The following IL1RAPL1 variants were observed in gnomAD, a reference collection of about 807,000 sequenced individuals.
IL1RAPL1 encodes interleukin 1 receptor accessory protein like 1.
IL1RAPL1 carries 3 observed loss-of-function variants against 48.4 expected under a neutral mutation model. That is an observed-to-expected ratio of 0.06 (90% CI 0.03 to 0.16). The LOEUF (loss-of-function observed/expected upper bound fraction) is 0.16, where lower values mean the gene tolerates loss of function less well. IL1RAPL1 is among the 10% of genes least tolerant of loss of function. IL1RAPL1 has a pLI of 1.00. For synonymous variants in IL1RAPL1, 185 were observed against 187.7 expected (o/e 0.99, Z 0.12); for missense variants, 349 against 530.6 (o/e 0.66, Z 3.36).
intron 2 of IL1RAPL1, among the ~76,000 whole-genome samples, chrX:28,793,946 A>G (rs749331865): frequency 9.0e-6 from 1 of 111,536 alleles, no homozygotes; most frequent in South Asian, 3.7e-4. Context: ...GTTCAAGGAA[A>G]TGTCTTAATG....
chrX:28,861,031 T>G (rs1034924973), intron 2 of IL1RAPL1, among the ~76,000 whole-genome samples: 2 of 111,562 alleles, frequency 1.8e-5, no homozygotes, highest in Non-Finnish European at 3.8e-5. Flanking sequence ...AATCTGTTTA[T>G]AAGAATTTTT....
chrX:28,659,090 G>A, intron 1 of IL1RAPL1: 1 of 675,492 alleles, frequency 1.5e-6, no homozygotes. Context: ...TATGCAGCCT[G>A]CTAGCTTGAT....
chrX:29,345,024 A>G (rs1933132809), intron 3 of IL1RAPL1, among the ~76,000 whole-genome samples: 1 of 112,893 alleles, frequency 8.9e-6, no homozygotes, highest in Non-Finnish European at 1.9e-5. Flanking sequence ...TTTAACTGAC[A>G]GAGTATTTCA....
At chrX:29,469,436 A>G (rs191736401) in intron 5 of IL1RAPL1, among the ~76,000 whole-genome samples, 25 of 111,950 alleles carry the variant, frequency 2.2e-4, no homozygotes, top group African/African-American at 8.1e-4. Flanking sequence ...GGCTGAATAC[A>G]TTTTGTACAA....
Position 29,882,983 on chromosome X carries a change from C to G in IL1RAPL1, c.779-34481C>G, listed in dbSNP as rs1410733937. Among the ~76,000 whole-genome samples the G allele has an allele frequency of 3.6e-5, 4 of 111,340 alleles. No individual in the cohort carries two copies. The Admixed American group carries it at 3.8e-4, about 11-fold the overall frequency. On this transcript the variant is annotated intron_variant, in intron 6 of 10. Transcript: ENST00000378993. Reference sequence around the variant, plus strand: ...ATAATCAGTAAATAGTTTGCAGTACCTTCTTATCAACTAAATAGATGAACG... The same window carrying G: ...ATAATCAGTAAATAGTTTGCAGTACGTTCTTATCAACTAAATAGATGAACG...
At chrX:29,606,921 A>G (rs746128111) in intron 5 of IL1RAPL1, among the ~76,000 whole-genome samples, 1 of 111,827 alleles carries the variant, frequency 8.9e-6, no homozygotes, top group African/African-American at 3.2e-5. Flanking sequence ...GATGTGACCT[A>G]TAAGGGGTAG....
At chrX:29,402,985 T>G (rs1602217496) in intron 5 of IL1RAPL1, among the ~76,000 whole-genome samples, 1 of 111,400 alleles carries the variant, frequency 9.0e-6, no homozygotes, top group East Asian at 2.8e-4. Flanking sequence ...CCTGAGGTAG[T>G]GTTAGGTAGG....
intron 6 of IL1RAPL1, among the ~76,000 whole-genome samples, chrX:29,677,344 A>T (rs1360655828): frequency 8.9e-6 from 1 of 112,075 alleles, no homozygotes; most frequent in Non-Finnish European, 1.9e-5. Context: ...TTGAATCATC[A>T]TCATTTCAGA....
At chrX:29,515,404 T>A (rs1345200082) in intron 5 of IL1RAPL1, among the ~76,000 whole-genome samples, 2 of 111,844 alleles carry the variant, frequency 1.8e-5, no homozygotes, top group Non-Finnish European at 3.8e-5. Context: ...CCATACCACT[T>A]CCCTTCTGCT....
intron 5 of IL1RAPL1, among the ~76,000 whole-genome samples, chrX:29,635,706 CAG>C (rs1380134072): frequency 9.3e-6 from 1 of 107,583 alleles, no homozygotes; most frequent in Non-Finnish European, 1.9e-5. Context: ...ACAGAGAAAA[CAG>C]AAACAGAAAT....
intron 1 of IL1RAPL1, among the ~76,000 whole-genome samples, chrX:28,751,418 A>T (rs377278966): frequency 8.9e-6 from 1 of 111,904 alleles, no homozygotes; most frequent in Non-Finnish European, 1.9e-5. Flanking sequence ...GACATTTTGC[A>T]TACCATCAAT....
intron 1 of IL1RAPL1, among the ~76,000 whole-genome samples, chrX:28,697,001 A>G (rs1234659210): frequency 8.9e-6 from 1 of 111,839 alleles, no homozygotes; most frequent in African/African-American, 3.2e-5. Flanking sequence ...TTTTAAATAG[A>G]TGTTGAGAGA....
At chrX:28,805,713 C>T (rs960556864) in intron 2 of IL1RAPL1, among the ~76,000 whole-genome samples, 3 of 111,141 alleles carry the variant, frequency 2.7e-5, no homozygotes, top group African/African-American at 9.8e-5. Context: ...TGCAGCTTTC[C>T]TATATGCCAG....
chrX:29,602,551 G>A (rs1923760538), intron 5 of IL1RAPL1, among the ~76,000 whole-genome samples: 1 of 112,590 alleles, frequency 8.9e-6, no homozygotes, highest in Non-Finnish European at 1.9e-5. Context: ...ACAGCCATTC[G>A]TACACTAAGA....
At chrX:29,238,786 G>A (rs1002943737) in intron 2 of IL1RAPL1, among the ~76,000 whole-genome samples, 2 of 112,280 alleles carry the variant, frequency 1.8e-5, no homozygotes, top group Non-Finnish European at 3.8e-5. Flanking sequence ...AGTAAGCACT[G>A]GATCTGTTTC....
At chrX:28,884,183 A>T (rs975696968) in intron 2 of IL1RAPL1, among the ~76,000 whole-genome samples, 1 of 111,940 alleles carries the variant, frequency 8.9e-6, no homozygotes, top group Non-Finnish European at 1.9e-5. Context: ...AATTTAAAAA[A>T]TAAATAAATA....
At chrX:28,668,126 T>A (rs1934902271) in intron 1 of IL1RAPL1, among the ~76,000 whole-genome samples, 1 of 111,532 alleles carries the variant, frequency 9.0e-6, no homozygotes, top group Non-Finnish European at 1.9e-5. Context: ...GCAATTACCC[T>A]TTTTTTAGTA....
At chrX:28,647,877 A>G (rs1426363945) in intron 1 of IL1RAPL1, among the ~76,000 whole-genome samples, 1 of 112,132 alleles carries the variant, frequency 8.9e-6, no homozygotes, top group Non-Finnish European at 1.9e-5. Flanking sequence ...TTCTAGTTTC[A>G]TAGAGAGAGA....
chrX:28,906,088 C>T (rs5943471), intron 2 of IL1RAPL1, among the ~76,000 whole-genome samples: 44,782 of 110,435 alleles, frequency 0.41, 6,567 homozygotes, highest in Middle Eastern at 0.58. Flanking sequence ...CTTCACGTGG[C>T]GGCAGGAGAG....
Sources: gnomAD v4.1 joint callset for allele counts (sites outside exome capture counted in the v4.1 genomes callset) on GRCh38, gnomAD v4.1.1 for gene constraint, MANE v1.5 for transcripts, NCBI Gene and HGNC (gene_info 2026-07-23, HGNC 2026-07-21) for gene names.